Variants in DDX4 observed in about 807,000 individuals in gnomAD.
The protein encoded by DDX4 is DEAD-box helicase 4.
In DDX4, 25 loss-of-function variants were observed where a neutral mutation model predicts 100.0. That is an observed-to-expected ratio of 0.25 (90% CI 0.18 to 0.35). The LOEUF (loss-of-function observed/expected upper bound fraction) is 0.35. Ranked by LOEUF, DDX4 falls within the 10% of genes least tolerant of loss-of-function variation. The probability of loss-of-function intolerance (pLI) is 1.00; values close to 1 mark genes in which losing one functional copy is unlikely to be tolerated. For synonymous variants in DDX4, 259 were observed against 275.7 expected (o/e 0.94, Z 0.60); for missense variants, 635 against 882.4 (o/e 0.72, Z 3.55).
chr5:55,803,555 T>A (rs949551226), intron 18 of DDX4, among the ~76,000 whole-genome samples: 2 of 140,076 alleles, frequency 1.4e-5, no homozygotes, highest in African/African-American at 5.4e-5. Context: ...AATTCCCACC[T>A]ATGAGTGAGA....
intron 9 of DDX4, 132 bp from the exon 10 acceptor site, chr5:55,781,802 T>A (rs1189052926): frequency 1.1e-6 from 1 of 898,866 alleles, no homozygotes; most frequent in South Asian, 2.1e-5. Flanking sequence ...AAATCTAAAA[T>A]TAAGAGATGG....
chr5:55,788,062 C>T, intron 15 of DDX4, 62 bp downstream of exon 15: 1 of 1,456,850 alleles, frequency 6.9e-7, no homozygotes, highest in Non-Finnish European at 9.3e-7. Context: ...TTTCCCCTCA[C>T]TTTTGGAAGA....
intron 9 of DDX4, 68 bp downstream of exon 9, chr5:55,781,214 C>A: frequency 7.9e-7 from 1 of 1,264,654 alleles, no homozygotes; most frequent in Non-Finnish European, 1.1e-6. Flanking sequence ...GATTAGTAAA[C>A]CTAATATATA....
intron 2 of DDX4, among the ~76,000 whole-genome samples, chr5:55,741,899 A>G (rs1758998684): frequency 6.6e-6 from 1 of 152,140 alleles, no homozygotes; most frequent in Non-Finnish European, 1.5e-5. Context: ...GATTTGTTCT[A>G]ACTGAATTTG....
At chr5:55,765,413 A>AATATATATAT (rs397997793) in intron 6 of DDX4, among the ~76,000 whole-genome samples, 60 of 82,994 alleles carry the variant, frequency 7.2e-4, no homozygotes, top group African/African-American at 2.2e-3. Context: ...AAAAAAAAAA[A>AATATATATAT]ATATATATAT....
chr5:55,808,334 G>C (rs569528856), intron 18 of DDX4, among the ~76,000 whole-genome samples: 1 of 152,084 alleles, frequency 6.6e-6, no homozygotes, highest in African/African-American at 2.4e-5. Context: ...GTCATTCTCC[G>C]TCCAGCTTTG....
At chr5:55,760,337 C>T in intron 4 of DDX4, 60 bp downstream of exon 4, 1 of 1,464,972 alleles carries the variant, frequency 6.8e-7, no homozygotes, top group Non-Finnish European at 9.0e-7. Context: ...TATATAGAGG[C>T]TTTCATGGCC....
intron 16 of DDX4, among the ~76,000 whole-genome samples, chr5:55,792,427 C>T (rs894978605): frequency 1.3e-5 from 2 of 151,412 alleles, no homozygotes; most frequent in African/African-American, 4.8e-5. Context: ...GTGGCGCGAT[C>T]TTGCTCACTG....
chr5:55,761,481 T>C (rs1740546412), intron 4 of DDX4, among the ~76,000 whole-genome samples: 2 of 152,136 alleles, frequency 1.3e-5, no homozygotes, highest in Non-Finnish European at 2.9e-5. Context: ...CACATAAAAT[T>C]TCCGATCAGA....
In DDX4 at chr5:55,780,064, A is replaced by G. The variant is rs955819120; in HGVS notation, c.495A>G (p.Pro165=). The part of the protein sequence containing the change: ...GCRGGFGLGS[P]NNDLDPDECM... ...GTGGAGGATTTGGTCTAGGAAGTCCAAGTTAGTACTGGATTTGCAAATGAT... is the reference window on the plus strand; with the variant it reads ...GTGGAGGATTTGGTCTAGGAAGTCCGAGTTAGTACTGGATTTGCAAATGAT... The change falls in exon 8 of 22, where the codon CCA becomes CCG. Residue 165 remains proline (P), a splice_region_variant and synonymous_variant. Coordinates refer to ENST00000505374, the MANE Select transcript of DDX4 (RefSeq NM_024415.3). The G allele has an allele frequency of 1.1e-5, 17 of 1,613,638 alleles. No individual in the cohort carries two copies. Among genetic ancestry groups the G allele is most frequent in the Non-Finnish European group, 1.4e-5 (16 of 1,179,868 alleles).
At chr5:55,796,997 T>TAC (rs2112094705) in intron 17 of DDX4, among the ~76,000 whole-genome samples, 1 of 151,930 alleles carries the variant, frequency 6.6e-6, no homozygotes, top group African/African-American at 2.4e-5. Flanking sequence ...GGCATGCGCA[T>TAC]ACACACCTGG....
intron 7 of DDX4, among the ~76,000 whole-genome samples, chr5:55,771,259 C>T (rs563767694): frequency 6.6e-6 from 1 of 152,232 alleles, no homozygotes; most frequent in African/African-American, 2.4e-5. Flanking sequence ...ATACAAATTA[C>T]TGGCACCTCA....
chr5:55,773,560 T>C (rs1741380283), intron 7 of DDX4, among the ~76,000 whole-genome samples: 1 of 152,160 alleles, frequency 6.6e-6, no homozygotes, highest in Admixed American at 6.6e-5. Flanking sequence ...CGATACTAGT[T>C]ATTACTGGTG....
intron 18 of DDX4, among the ~76,000 whole-genome samples, chr5:55,807,348 A>C (rs1167692547): frequency 1.3e-5 from 2 of 152,118 alleles, no homozygotes; most frequent in Non-Finnish European, 2.9e-5. Flanking sequence ...GTTATGTGTG[A>C]ATTTGATCCT....
In DDX4 at chr5:55,786,622, T is replaced by G; in HGVS notation, c.969T>G (p.Leu323=). 6.2e-7 allele frequency: 1 copy of G among 1,613,444 alleles called. No individual in the cohort carries two copies. The highest frequency in any genetic ancestry group is 8.5e-7 in the Non-Finnish European group (1 of 1,179,412). Residue 323 remains leucine (L), a synonymous_variant, in exon 14 of 22, where the codon CTT becomes CTG. Transcript: ENST00000505374. ...PVQKYSIPII[L]AGRDLMACAQ... is the part of the protein sequence containing the mutation. ...AAAAATACAGTATTCCTATCATACT[T>G]GCAGGACGAGATTTGATGGCTTGCG...
chr5:55,785,717 T>C lies in DDX4; in HGVS notation c.722-12T>C. On this transcript the variant is annotated splice_polypyrimidine_tract_variant and intron_variant, in intron 12 of 21. Coordinates refer to ENST00000505374, the MANE Select transcript of DDX4 (RefSeq NM_024415.3). Reference sequence around the variant, plus strand: ...CTGTAACGTACATTATGTTTTTAATTTAAATTCCAAGGACCAAAAGTGACC... The same window carrying C: ...CTGTAACGTACATTATGTTTTTAATCTAAATTCCAAGGACCAAAAGTGACC... 1 of 1,606,274 alleles carries C rather than the reference T, an allele frequency of 6.2e-7. No individual in the cohort carries two copies. The highest frequency in any genetic ancestry group is 2.2e-5 in the East Asian group (1 of 44,820).
Position 55,749,391 on chromosome 5 carries a change from T to A in DDX4, c.127+3170T>A, listed in dbSNP as rs1759417643. 3.3e-5 allele frequency among the ~76,000 whole-genome samples: 5 copies of A among 152,184 alleles called. 1 individual carries two copies. The South Asian group carries it at 1.0e-3, about 32-fold the overall frequency. On this transcript the variant is annotated intron_variant, in intron 3 of 21. Coordinates refer to ENST00000505374, the MANE Select transcript of DDX4 (RefSeq NM_024415.3). ...AGGTTACAGTGAGCATTGATCACAC[T>A]ACTGCACTCCAGCAGGGCTGATGGA...
chr5:55,755,608 T>A (rs1036688205), intron 3 of DDX4, among the ~76,000 whole-genome samples: 1 of 152,286 alleles, frequency 6.6e-6, no homozygotes, highest in East Asian at 1.9e-4. Context: ...TGGTTTTGGT[T>A]TCAAGCTTTT....
At chr5:55,767,502 A>G (rs368991359) in intron 6 of DDX4, among the ~76,000 whole-genome samples, 127 of 152,350 alleles carry the variant, frequency 8.3e-4, no homozygotes, top group African/African-American at 2.9e-3. Flanking sequence ...CTAGTGGTCT[A>G]TGGACCTTAT....
Sources: gnomAD v4.1 joint callset for allele counts (sites outside exome capture counted in the v4.1 genomes callset) on GRCh38, gnomAD v4.1.1 for gene constraint, MANE v1.5 for transcripts, NCBI Gene and HGNC (gene_info 2026-07-23, HGNC 2026-07-21) for gene names.